Variants in ME3 observed in about 807,000 individuals in gnomAD.
The protein encoded by ME3 is malic enzyme 3, also known as NADP-dependent malic enzyme, mitochondrial.
ME3 carries 48 observed loss-of-function variants against 68.9 expected under a neutral mutation model. The ratio of observed to expected loss-of-function variants is 0.70; its 90% CI spans 0.55 to 0.89. The LOEUF is 0.89. Among genes scored for constraint, ME3 ranks in the 40% least tolerant of loss-of-function variants. The pLI, the probability that ME3 is intolerant of heterozygous loss-of-function variation, is 0.00. For synonymous variants in ME3, 320 were observed against 318.8 expected, an observed-to-expected ratio of 1.00 and a Z score of -0.04; for missense variants, 675 against 797.4, an observed-to-expected ratio of 0.85 and a Z score of 1.85.
At position 86,525,133 on chromosome 11, in the gene ME3, G is replaced by A. The variant is rs562557677; in HGVS notation, c.468-16266C>T. Reference sequence around the variant, plus strand: ...AGACAGACTTAGACCCAAATTCTAGGTCATCTGGTTAGTAGTGACCTTGAC... The same window carrying A: ...AGACAGACTTAGACCCAAATTCTAGATCATCTGGTTAGTAGTGACCTTGAC... On this transcript the variant is annotated intron_variant, in intron 4 of 14. Coordinates refer to ENST00000543262, the Ensembl canonical transcript of ME3. Among the ~76,000 whole-genome samples, 35 of 152,280 alleles carry A rather than the reference G, an allele frequency of 2.3e-4. 1 individual carries two copies. The highest frequency in any genetic ancestry group is 1.3e-3 in the Admixed American group (20 of 15,304).
intron 8 of ME3, chr11:86,457,680 G>T: frequency 7.8e-7 from 1 of 1,287,506 alleles, no homozygotes; most frequent in South Asian, 1.2e-5. Flanking sequence ...ACTCTGAGAA[G>T]CCCATGGGTC....
intron 6 of ME3, among the ~76,000 whole-genome samples, chr11:86,493,312 A>G (rs1442732660): frequency 6.6e-6 from 1 of 152,218 alleles, no homozygotes; most frequent in Admixed American, 6.5e-5. Flanking sequence ...AAGAGCACAC[A>G]GCATCTCCTT....
chr11:86,451,849 G>A (rs777854407), intron 8 of ME3, among the ~76,000 whole-genome samples: 10 of 152,168 alleles, frequency 6.6e-5, no homozygotes, highest in Non-Finnish European at 1.5e-4. Context: ...TAAAAGATGG[G>A]CAGCAATATG....
chr11:86,592,173 T>G (rs1216544579), intron 2 of ME3, among the ~76,000 whole-genome samples: 1 of 152,210 alleles, frequency 6.6e-6, no homozygotes, highest in African/African-American at 2.4e-5. Context: ...ATTACAGACA[T>G]GGGCACTGTG....
rs57702708 is a variant in ME3, at chr11:86,494,052, G to GAAAAAA, written c.705+3905_705+3910dup. ...GGAATATCTTGCAAACGGTTTCATT[G>GAAAAAA]AAAAAAAAAAAAGGAACTGTAGTTG... On this transcript the variant is annotated intron_variant, in intron 6 of 14. Coordinates refer to ENST00000543262, the Ensembl canonical transcript of ME3. 3.4e-5 allele frequency among the ~76,000 whole-genome samples: 5 copies of GAAAAAA among 148,852 alleles called. 1 individual carries two copies. The highest frequency in any genetic ancestry group is 5.9e-5 in the Non-Finnish European group (4 of 67,262).
intron 7 of ME3, among the ~76,000 whole-genome samples, chr11:86,469,913 G>GGGAGTTCT (rs1950693048): frequency 6.6e-6 from 1 of 151,848 alleles, no homozygotes; most frequent in South Asian, 2.1e-4. Context: ...ACCTGTGCCT[G>GGGAGTTCT]GGAGTTCTGG....
At chr11:86,580,227 C>T (rs773641107) in intron 2 of ME3, among the ~76,000 whole-genome samples, 22 of 152,252 alleles carry the variant, frequency 1.4e-4, no homozygotes, top group Non-Finnish European at 2.6e-4. Flanking sequence ...ACATTGTCGA[C>T]CCTGAAGGAA....
chr11:86,619,186 G>A (rs1005081121), intron 2 of ME3, among the ~76,000 whole-genome samples: 4 of 152,178 alleles, frequency 2.6e-5, no homozygotes, highest in Non-Finnish European at 4.4e-5. Context: ...ACAGAACCAT[G>A]AGCCAATTAA....
intron 2 of ME3, among the ~76,000 whole-genome samples, chr11:86,658,208 C>A (rs1379521955): frequency 6.6e-6 from 1 of 151,806 alleles, no homozygotes; most frequent in African/African-American, 2.4e-5. Flanking sequence ...ACTGCAACCT[C>A]CACCTCCCGA....
intron 4 of ME3, among the ~76,000 whole-genome samples, chr11:86,520,037 A>C (rs1178922022): frequency 6.6e-6 from 1 of 151,370 alleles, no homozygotes; most frequent in Non-Finnish European, 1.5e-5. Context: ...ATTTGAACCC[A>C]CTGAACAACC....
At chr11:86,467,693 TCACA>T (rs368384131) in intron 7 of ME3, among the ~76,000 whole-genome samples, 3 of 143,226 alleles carry the variant, frequency 2.1e-5, no homozygotes, top group Non-Finnish European at 4.5e-5. Context: ...TCTCTCTCTC[TCACA>T]CACACACACA....
rs143220685 is a variant in ME3, at chr11:86,538,084, T to C, written c.467+18469A>G. Among the ~76,000 whole-genome samples, 487 of 152,332 alleles carry C rather than the reference T, an allele frequency of 3.2e-3. 5 individuals are homozygous for C. The highest frequency in any genetic ancestry group is 0.011 in the African/African-American group (473 of 41,578). On this transcript the variant is annotated intron_variant, in intron 4 of 14. Coordinates refer to ENST00000543262, the Ensembl canonical transcript of ME3. ...ACTCTAGCCCTGAGACTGATGCACATAGACTCCTGCAGATACCTGTTGCTG... is the reference window on the plus strand; with the variant it reads ...ACTCTAGCCCTGAGACTGATGCACACAGACTCCTGCAGATACCTGTTGCTG...
chr11:86,462,457 G>A (rs1950267936), intron 8 of ME3: 3 of 631,848 alleles, frequency 4.7e-6, no homozygotes, highest in Non-Finnish European at 5.9e-6. Context: ...ACTGTGTGGG[G>A]CATTGGCACC....
chr11:86,489,841 C>T (rs1485083279), intron 6 of ME3, among the ~76,000 whole-genome samples: 1 of 152,154 alleles, frequency 6.6e-6, no homozygotes, highest in Non-Finnish European at 1.5e-5. Flanking sequence ...ACAGGTGTCT[C>T]CCCAGTACCT....
chr11:86,492,761 C>CA (rs1952078641), intron 6 of ME3, among the ~76,000 whole-genome samples: 1 of 152,190 alleles, frequency 6.6e-6, no homozygotes, highest in African/African-American at 2.4e-5. Context: ...TTCTTGGAGA[C>CA]AAAATGTCAT....
At chr11:86,437,424 C>T (rs1040563455), downstream of ME3, 1 of 152,036 alleles carries the variant, frequency 6.6e-6, no homozygotes. Context: ...CTTTGTTCTT[C>T]TTTATAATTT....
chr11:86,441,363 G>A, exon 15 of ME3: 3 of 1,613,446 alleles, frequency 1.9e-6, no homozygotes, highest in South Asian at 2.2e-5. Context: ...TGTAGACCAG[G>A]GATCTTACAA....
intron 7 of ME3, among the ~76,000 whole-genome samples, chr11:86,482,330 T>C (rs928589038): frequency 3.9e-5 from 6 of 152,174 alleles, no homozygotes; most frequent in Non-Finnish European, 8.8e-5. Context: ...TTTCTCTGTG[T>C]ATTGCTCACT....
At chr11:86,495,530 C>T (rs1349575695) in intron 6 of ME3, among the ~76,000 whole-genome samples, 1 of 152,200 alleles carries the variant, frequency 6.6e-6, no homozygotes, top group Non-Finnish European at 1.5e-5. Context: ...TCAATTAAAT[C>T]CAGCTGGAAC....
Sources: gnomAD v4.1 joint callset for allele counts (sites outside exome capture counted in the v4.1 genomes callset) on GRCh38, gnomAD v4.1.1 for gene constraint, MANE v1.5 for transcripts, NCBI Gene and HGNC (gene_info 2026-07-23, HGNC 2026-07-21) for gene names.